The following CPB2 variants were observed in gnomAD, a reference collection of about 807,000 sequenced individuals.
The protein encoded by CPB2 is carboxypeptidase B2, also known as carboxypeptidase B-like protein.
Under a neutral mutation model 57.0 loss-of-function variants are expected in CPB2, and 54 were observed. The ratio of observed to expected loss-of-function variants is 0.95; its 90% CI spans 0.76 to 1.19. The LOEUF (loss-of-function observed/expected upper bound fraction) is 1.19, where lower values mean the gene tolerates loss of function less well. Among genes scored for constraint, CPB2 ranks in the 50% most tolerant of loss-of-function variants. The pLI, the probability that CPB2 is intolerant of heterozygous loss-of-function variation, is 0.00. For synonymous variants in CPB2, 189 were observed against 178.1 expected (o/e 1.06, Z -0.49); for missense variants, 426 against 512.0 (o/e 0.83, Z 1.62).
chr13:46,073,447 C>A (rs113971239), intron 6 of CPB2: 22 of 975,254 alleles, frequency 2.3e-5, no homozygotes, highest in Middle Eastern at 5.3e-4. Flanking sequence ...TCTGTTTCAC[C>A]TCTGTAATGT....
In CPB2 at chr13:46,073,998, A is replaced by T; in HGVS notation, c.487-21T>A. 3 of 1,462,866 alleles carry T rather than the reference A, an allele frequency of 2.1e-6. 1 individual carries two copies. The highest frequency in any genetic ancestry group is 9.5e-7 in the Non-Finnish European group (1 of 1,051,040). 90.6% of individuals were successfully genotyped at this position (1,462,866 alleles called of 1,614,324 possible). On this transcript the variant is annotated intron_variant, in intron 5 of 10. Coordinates refer to ENST00000181383, the MANE Select transcript of CPB2 (RefSeq NM_001872.5). ...GAAACCTGCTCAAAGAAACCCCAAA[A>T]GTAGCAAAAACAGTAACAATAAGCT...
At chr13:46,064,552 G>T in intron 8 of CPB2, 96 bp downstream of exon 8, 1 of 964,078 alleles carries the variant, frequency 1.0e-6, no homozygotes, top group South Asian at 1.3e-5. Flanking sequence ...ATTCAGACAG[G>T]CCAGCTCTGT....
intron 1 of CPB2, among the ~76,000 whole-genome samples, chr13:46,091,533 T>G (rs1214327414): frequency 1.3e-5 from 2 of 152,254 alleles, no homozygotes; most frequent in Non-Finnish European, 2.9e-5. Context: ...CTCCTTGCTC[T>G]TTGTTAAGAG....
intron 6 of CPB2, among the ~76,000 whole-genome samples, chr13:46,068,699 C>T (rs9567611): frequency 3.4e-5 from 5 of 146,144 alleles, no homozygotes; most frequent in South Asian, 2.1e-4. Context: ...CCTAGCCCCC[C>T]ACCCCCGACA....
chr13:46,070,610 T>C (rs2044925669), intron 6 of CPB2, among the ~76,000 whole-genome samples: 1 of 151,870 alleles, frequency 6.6e-6, no homozygotes, highest in South Asian at 2.1e-4. Flanking sequence ...TGAGAGATAA[T>C]AAATTAGTAC....
chr13:46,100,125 G>C (rs1054223133), intron 1 of CPB2: 6 of 151,770 alleles, frequency 4.0e-5, no homozygotes, highest in African/African-American at 1.5e-4. Flanking sequence ...ATAAAAATTA[G>C]TCAACAAGCA....
intron 7 of CPB2, 90 bp downstream of exon 7, chr13:46,067,217 G>T: frequency 1.6e-6 from 1 of 612,690 alleles, no homozygotes; most frequent in Non-Finnish European, 2.9e-6. Context: ...AAGCCATTGT[G>T]CCTAGATCCA....
At chr13:46,071,794 C>G (rs952254028) in intron 6 of CPB2, among the ~76,000 whole-genome samples, 2 of 152,128 alleles carry the variant, frequency 1.3e-5, no homozygotes, top group African/African-American at 4.8e-5. Context: ...GAAGGAGCCA[C>G]CAGGGAGCAG....
chr13:46,090,553 G>A (rs371369469), intron 1 of CPB2, among the ~76,000 whole-genome samples: 9 of 150,494 alleles, frequency 6.0e-5, no homozygotes, highest in East Asian at 2.0e-4. Context: ...TAGTAGAGAC[G>A]TGGTTTCACC....
chr13:46,086,872 C>T (rs533752998), intron 2 of CPB2, among the ~76,000 whole-genome samples: 4 of 152,332 alleles, frequency 2.6e-5, no homozygotes, highest in African/African-American at 7.2e-5. Context: ...ATGTCAGTAC[C>T]GCTCTGATCA....
intron 1 of CPB2, among the ~76,000 whole-genome samples, chr13:46,090,967 T>C (rs895400829): frequency 1.3e-4 from 19 of 150,406 alleles, no homozygotes; most frequent in African/African-American, 4.6e-4. Flanking sequence ...CTCGTGATCC[T>C]CCTGCCTCAG....
intron 9 of CPB2, 22 bp from the exon 10 acceptor site, chr13:46,055,871 A>C: frequency 7.4e-7 from 1 of 1,351,096 alleles, no homozygotes; most frequent in Non-Finnish European, 1.0e-6. Context: ...AAGATATAGA[A>C]TTTCAGTTAA....
chr13:46,058,362 G>A lies in CPB2; in HGVS notation c.816C>T (p.Ser272=). 1 of 1,614,028 alleles carries A rather than the reference G, an allele frequency of 6.2e-7. No homozygotes were observed. Among genetic ancestry groups the A allele is most frequent in the Non-Finnish European group, 8.5e-7 (1 of 1,179,942 alleles). The change falls in exon 9 of 11, where the codon TCC becomes TCT. Residue 272 remains serine (S), a synonymous_variant. Coordinates refer to ENST00000181383, the MANE Select transcript of CPB2 (RefSeq NM_001872.5). ...KHWCEEGASS[S]SCSETYCGLY... is the part of the protein sequence containing the mutation. Reference sequence around the variant, plus strand: ...GTCCACAGTAGGTTTCCGAGCATGAGGAACTGGATGCACCTTCCTCTGTAA... The same window carrying A: ...GTCCACAGTAGGTTTCCGAGCATGAAGAACTGGATGCACCTTCCTCTGTAA...
chr13:46,060,828 AG>A, intron 8 of CPB2, among the ~76,000 whole-genome samples: 1 of 152,278 alleles, frequency 6.6e-6, no homozygotes, highest in South Asian at 2.1e-4. Context: ...ACCATTAAGC[AG>A]TCATGTTAAT....
At chr13:46,058,848 T>A (rs1254066617) in intron 8 of CPB2, among the ~76,000 whole-genome samples, 1 of 152,206 alleles carries the variant, frequency 6.6e-6, no homozygotes, top group Non-Finnish European at 1.5e-5. Flanking sequence ...CTAAAGTGGT[T>A]TAGTAAGTTT....
At chr13:46,062,807 G>T (rs1362069051) in intron 8 of CPB2, among the ~76,000 whole-genome samples, 3 of 152,200 alleles carry the variant, frequency 2.0e-5, no homozygotes, top group Non-Finnish European at 4.4e-5. Flanking sequence ...TTGTTGTGAG[G>T]TTTGGTTTTC....
At chr13:46,094,711 A>G (rs571654388) in intron 1 of CPB2, 1 of 152,336 alleles carries the variant, frequency 6.6e-6, no homozygotes, top group East Asian at 1.9e-4. Context: ...AGGAGAACAC[A>G]GAGTTCTTAG....
At chr13:46,089,072 C>A (rs1266878382) in intron 1 of CPB2, among the ~76,000 whole-genome samples, 1 of 150,372 alleles carries the variant, frequency 6.7e-6, no homozygotes, top group Non-Finnish European at 1.5e-5. Flanking sequence ...TCATATACTT[C>A]TTCTGTCCTT....
intron 4 of CPB2, among the ~76,000 whole-genome samples, chr13:46,079,551 A>AAAAAAAAAAAAAAAAAG (rs2045078862): frequency 7.2e-5 from 9 of 124,706 alleles, no homozygotes; most frequent in African/African-American, 2.7e-4. Flanking sequence ...AAAAAAAAAA[A>AAAAAAAAAAAAAAAAAG]AAAAGAAAAG....
Sources: allele counts gnomAD v4.1 joint callset (sites outside exome capture counted in the v4.1 genomes callset), GRCh38; gene constraint gnomAD v4.1.1; transcripts MANE v1.5; gene names NCBI Gene and HGNC (gene_info 2026-07-23, HGNC 2026-07-21).